RPH3AL: variants seen among roughly 807,000 people sequenced by gnomAD.
RPH3AL encodes the protein rab effector Noc2.
In RPH3AL, 38 loss-of-function variants were observed where a neutral mutation model predicts 43.1. That is an observed-to-expected ratio of 0.88 (90% confidence interval 0.68 to 1.15). RPH3AL has a LOEUF of 1.15. RPH3AL is among the 50% of genes most tolerant of loss of function. The pLI, the probability that RPH3AL is intolerant of heterozygous loss-of-function variation, is 0.00. For missense variants in RPH3AL, 462 were observed against 423.2 expected (o/e 1.09, Z -0.81); for synonymous variants, 189 against 176.3 (o/e 1.07, Z -0.57).
At position 230,255 on chromosome 17, in the gene RPH3AL, T is replaced by A. The variant is rs540845501; in HGVS notation, c.614-10519A>T. ...CCAGAGACAGACAGGAGGCACCAGA[T>A]AACGAAGACAAATCCTCAAATCGAT... On this transcript the variant is annotated intron_variant, in intron 7 of 9. Transcript: ENST00000331302. 7.2e-5 allele frequency among the ~76,000 whole-genome samples: 11 copies of A among 152,262 alleles called. No homozygotes were observed. In the South Asian group the frequency reaches 2.3e-3, roughly 32 times the overall value.
chr17:255,937 T>G lies in RPH3AL; in HGVS notation c.439-8652A>C, dbSNP rs1440027238. On this transcript the variant is annotated intron_variant, in intron 6 of 9. Transcript: ENST00000331302. ...AGGGGAGCCGCACGGCGTCTGTCCT[T>G]TTCCATCCCTAGGAATATGACTACC... 3.9e-4 allele frequency among the ~76,000 whole-genome samples: 12 copies of G among 31,044 alleles called. 1 individual carries two copies. The highest frequency in any genetic ancestry group is 7.7e-4 in the East Asian group (1 of 1,304). 20.4% of individuals were successfully genotyped at this position (31,044 alleles called of 152,430 possible). A position where few individuals can be genotyped will look rare whatever the true frequency, so the allele number is the denominator to read the frequency against.
In RPH3AL at chr17:225,942, C is replaced by T. The variant is rs1293404519; in HGVS notation, c.614-6206G>A. ...ATCTCCCCACTCTTCCTTGTTCTGT[C>T]ATCTATCACACATGGTCACAGAGTT... On this transcript the variant is annotated intron_variant, in intron 7 of 9. Coordinates refer to ENST00000331302, the MANE Select transcript of RPH3AL (RefSeq NM_006987.4). The surrounding 1 kb of genome is among the most constrained non-coding windows in gnomAD (Gnocchi z 4.4). Among the ~76,000 whole-genome samples the T allele has an allele frequency of 6.6e-6, 1 of 152,220 alleles. No homozygotes were observed. Among genetic ancestry groups the T allele is most frequent in the Non-Finnish European group, 1.5e-5 (1 of 68,036 alleles).
In RPH3AL at chr17:212,849, C is replaced by T. The variant is rs1446259656; in HGVS notation, c.*1003G>A. ...GCCACGTGCCCTGGCTGGGGATGCA[C>T]CTGAACGCTGCTCTTCAGCAAGTGA... On this transcript the variant is annotated 3_prime_UTR_variant, in exon 10 of 10. Coordinates refer to ENST00000331302, the MANE Select transcript of RPH3AL (RefSeq NM_006987.4). The T allele has an allele frequency of 6.6e-6, 1 of 151,944 alleles. No homozygotes were observed. Among genetic ancestry groups the T allele is most frequent in the African/African-American group, 2.4e-5 (1 of 41,366 alleles). The allele number at this position is 151,944 out of a possible 1,614,324, so 9.4% of individuals were successfully genotyped here. A position where few individuals can be genotyped will look rare whatever the true frequency, so the allele number is the denominator to read the frequency against.
At chr17:314,202 G>C (rs1252935735) in intron 5 of RPH3AL, among the ~76,000 whole-genome samples, 5 of 152,164 alleles carry the variant, frequency 3.3e-5, no homozygotes, top group African/African-American at 9.7e-5. Flanking sequence ...AGTGGGCCAG[G>C]ATCTGTGCCT....
chr17:337,503 C>T (rs1001338707), intron 1 of RPH3AL, among the ~76,000 whole-genome samples: 4 of 152,224 alleles, frequency 2.6e-5, no homozygotes, highest in South Asian at 2.1e-4. Context: ...GGGCTCTCTA[C>T]GGACCCTCCA....
intron 5 of RPH3AL, among the ~76,000 whole-genome samples, chr17:301,839 G>T (rs1047825810): frequency 6.6e-6 from 1 of 152,174 alleles, no homozygotes; most frequent in Non-Finnish European, 1.5e-5. Context: ...CTGTGTCATC[G>T]AGAGGGAGTC....
intron 6 of RPH3AL, among the ~76,000 whole-genome samples, chr17:268,563 T>TG (rs1555548841): frequency 3.0e-5 from 4 of 133,378 alleles, no homozygotes; most frequent in Non-Finnish European, 4.8e-5. Flanking sequence ...GTTTTTTTTT[T>TG]TTTTTTTTTT....
intron 5 of RPH3AL, among the ~76,000 whole-genome samples, chr17:300,708 G>A (rs2043305888): frequency 7.1e-6 from 1 of 140,270 alleles, no homozygotes; most frequent in African/African-American, 2.8e-5. Context: ...GCCCAGCCTA[G>A]ACCTGCAGAA....
intron 5 of RPH3AL, among the ~76,000 whole-genome samples, chr17:313,827 AAG>A (rs2043722406): frequency 6.6e-6 from 1 of 152,144 alleles, no homozygotes; most frequent in South Asian, 2.1e-4. Context: ...TCCAAGAAGG[AAG>A]AGTGAACCCT....
chr17:321,370 C>G lies in RPH3AL; in HGVS notation c.123G>C (p.Gln41His), dbSNP rs768046588. ...WSVHTYQTEKQRRKQHLSPAE... is the reference protein window; with the variant it reads ...WSVHTYQTEKHRRKQHLSPAE... ...CCGGGCTGAGGTGCTGCTTCCTCCT[C>G]TGCTTCTCCGTCTGGTAGGTGTGCA... Residue 41 changes from glutamine to histidine, a missense_variant, in exon 4 of 10, where the codon CAG becomes CAC. Transcript: ENST00000331302. 6.2e-7 allele frequency: 1 copy of G among 1,611,506 alleles called. No individual in the cohort carries two copies. Among genetic ancestry groups the G allele is most frequent in the Non-Finnish European group, 8.5e-7 (1 of 1,179,952 alleles).
At chr17:315,681 G>GTACTCCACCTCGAC (rs2044036941) in intron 5 of RPH3AL, among the ~76,000 whole-genome samples, 2 of 152,108 alleles carry the variant, frequency 1.3e-5, no homozygotes, top group East Asian at 1.9e-4. Context: ...TGTAGTCCCT[G>GTACTCCACCTCGAC]TGACCCCACC....
At chr17:352,190 C>T (rs761808701) in intron 1 of RPH3AL, among the ~76,000 whole-genome samples, 4 of 152,212 alleles carry the variant, frequency 2.6e-5, no homozygotes, top group Non-Finnish European at 5.9e-5. Flanking sequence ...ACAGAGCCTG[C>T]TGCAGCCCCT....
chr17:283,297 G>A lies in RPH3AL; in HGVS notation c.352-1443C>T, dbSNP rs532652156. Among the ~76,000 whole-genome samples the A allele has an allele frequency of 3.3e-5, 5 of 152,296 alleles. No homozygotes were observed. Among genetic ancestry groups the A allele is most frequent in the East Asian group, 3.9e-4 (2 of 5,168 alleles). On this transcript the variant is annotated intron_variant, in intron 5 of 9. Transcript: ENST00000331302. This position sits in a 1 kb window ranked among gnomAD's most constrained non-coding sequence, Gnocchi z 4.2. ...GGCTTCCACGTCGAGCGTGTCGAGC[G>A]TGTGGAGGTCACTGGCCTGATCGGG... is the stretch of plus-strand genomic sequence containing the variant.
At chr17:235,383 C>A (rs1260607571) in intron 7 of RPH3AL, among the ~76,000 whole-genome samples, 1 of 146,034 alleles carries the variant, frequency 6.8e-6, no homozygotes, top group East Asian at 2.1e-4. Flanking sequence ...CGAGGCTCTA[C>A]ACTAACAAGA....
intron 2 of RPH3AL, chr17:331,899 T>G: frequency 7.8e-7 from 1 of 1,283,816 alleles, no homozygotes; most frequent in Non-Finnish European, 1.0e-6. Flanking sequence ...AAAATTAAAC[T>G]GATGAGGGAA....
chr17:324,090 C>A (rs1339720459), intron 3 of RPH3AL, among the ~76,000 whole-genome samples: 1 of 152,208 alleles, frequency 6.6e-6, no homozygotes, highest in African/African-American at 2.4e-5. Context: ...CCCTGAGGCA[C>A]CCCGCCCCAT....
At chr17:291,507 G>A (rs1227800552) in intron 5 of RPH3AL, among the ~76,000 whole-genome samples, 1 of 152,192 alleles carries the variant, frequency 6.6e-6, no homozygotes, top group Non-Finnish European at 1.5e-5. Flanking sequence ...TGCAGACGGT[G>A]CTTACAGAGG....
intron 3 of RPH3AL, among the ~76,000 whole-genome samples, chr17:324,734 T>A (rs190360168): frequency 9.2e-5 from 14 of 151,792 alleles, no homozygotes; most frequent in Admixed American, 8.5e-4. Flanking sequence ...TATCTATCTA[T>A]GTCTATTTTG....
In RPH3AL at chr17:322,069, G is replaced by A. The variant is rs902000617; in HGVS notation, c.78-654C>T. The stretch of plus-strand genomic sequence containing the variant: ...GAACACTTTGAAAACTAGCAGGTTC[G>A]AGGCGGGGGGGAAGCGAGTTACAGA... On this transcript the variant is annotated intron_variant, in intron 3 of 9. Coordinates refer to ENST00000331302, the MANE Select transcript of RPH3AL (RefSeq NM_006987.4). This position sits in a 1 kb window ranked among gnomAD's most constrained non-coding sequence, Gnocchi z 4.0. Among the ~76,000 whole-genome samples, 10 of 152,166 alleles carry A rather than the reference G, an allele frequency of 6.6e-5. No individual in the cohort carries two copies. Among genetic ancestry groups the A allele is most frequent in the East Asian group, 1.9e-4 (1 of 5,194 alleles).
Sources: allele counts gnomAD v4.1 joint callset (sites outside exome capture counted in the v4.1 genomes callset), GRCh38; gene constraint gnomAD v4.1.1; non-coding constraint Gnocchi (gnomAD v3.1); transcripts MANE v1.5; gene names NCBI Gene and HGNC (gene_info 2026-07-23, HGNC 2026-07-21).